Variants in GHR observed in about 807,000 individuals in gnomAD.
GHR encodes the protein growth hormone receptor, also known as GH receptor.
GHR carries 35 observed loss-of-function variants against 67.1 expected under a neutral mutation model. The ratio of observed to expected loss-of-function variants is 0.52; its 90% CI spans 0.40 to 0.69. The LOEUF is 0.69. Ranked by LOEUF, GHR falls within the 30% of genes least tolerant of loss-of-function variation. The pLI, the probability that GHR is intolerant of heterozygous loss-of-function variation, is 0.00. For missense variants in GHR, 792 were observed against 764.6 expected, an observed-to-expected ratio of 1.04 and a Z score of -0.42; for synonymous variants, 272 against 269.1, an observed-to-expected ratio of 1.01 and a Z score of -0.10.
intron 2 of GHR, among the ~76,000 whole-genome samples, chr5:42,612,480 CTG>C (rs1752937258): frequency 6.6e-6 from 1 of 152,008 alleles, no homozygotes; most frequent in South Asian, 2.1e-4. Context: ...TAGAATTTAA[CTG>C]TTGTTTTTTT....
At chr5:42,585,775 A>AAAACTTAGAAAAAAAACTTAG (rs1481543136) in intron 2 of GHR, among the ~76,000 whole-genome samples, 1 of 152,142 alleles carries the variant, frequency 6.6e-6, no homozygotes, top group African/African-American at 2.4e-5. Flanking sequence ...AAACTTAGAA[A>AAAACTTAGAAAAAAAACTTAG]AAAAAAAGGA....
intron 2 of GHR, among the ~76,000 whole-genome samples, chr5:42,609,131 A>G (rs1233459355): frequency 1.3e-5 from 2 of 152,186 alleles, no homozygotes; most frequent in East Asian, 3.9e-4. Context: ...TGAAGAACCC[A>G]GAGCTAAGAA....
chr5:42,539,394 T>C (rs1170584878), intron 1 of GHR, among the ~76,000 whole-genome samples: 8 of 152,218 alleles, frequency 5.3e-5, no homozygotes, highest in African/African-American at 1.7e-4. Flanking sequence ...TATTTTCCTA[T>C]GGATGTGGTT....
intron 2 of GHR, among the ~76,000 whole-genome samples, chr5:42,585,570 A>G (rs1400465435): frequency 6.6e-6 from 1 of 152,254 alleles, no homozygotes; most frequent in Non-Finnish European, 1.5e-5. Flanking sequence ...TAAGAAGTAC[A>G]GCCACACACT....
intron 1 of GHR, among the ~76,000 whole-genome samples, chr5:42,528,429 A>G (rs1012024484): frequency 2.4e-4 from 37 of 152,222 alleles, no homozygotes. Context: ...GGAAATAGCA[A>G]GAAAACTTGA....
intron 2 of GHR, among the ~76,000 whole-genome samples, chr5:42,571,754 G>A (rs1358772646): frequency 6.6e-6 from 1 of 152,166 alleles, no homozygotes; most frequent in Non-Finnish European, 1.5e-5. Context: ...CAGCTCTTAC[G>A]GGAACAGAGC....
chr5:42,443,217 G>A lies in GHR; in HGVS notation c.-12+19262G>A, dbSNP rs1057062530. 1.3e-5 allele frequency among the ~76,000 whole-genome samples: 2 copies of A among 152,258 alleles called. 1 individual carries two copies. Among genetic ancestry groups the A allele is most frequent in the East Asian group, 3.9e-4 (2 of 5,180 alleles). On this transcript the variant is annotated intron_variant, in intron 1 of 9. Coordinates refer to ENST00000230882, the MANE Select transcript of GHR (RefSeq NM_000163.5). Reference sequence around the variant, plus strand: ...GCTCACAGTGTCTTGGAATGGTCTTGAGCCTAGTTGAAATTTGTTGAAATT... The same window carrying A: ...GCTCACAGTGTCTTGGAATGGTCTTAAGCCTAGTTGAAATTTGTTGAAATT...
chr5:42,691,702 C>CA, intron 4 of GHR, among the ~76,000 whole-genome samples: 1 of 152,352 alleles, frequency 6.6e-6, no homozygotes, highest in South Asian at 2.1e-4. Context: ...AGGCTGTCAA[C>CA]AGGACAGTTC....
intron 1 of GHR, among the ~76,000 whole-genome samples, chr5:42,482,901 T>C (rs1428019945): frequency 6.6e-6 from 1 of 152,216 alleles, no homozygotes; most frequent in Admixed American, 6.5e-5. Context: ...GCACCCACTG[T>C]CTGGCACACC....
In GHR at chr5:42,424,811, A is replaced by G. The variant is rs1384022919; in HGVS notation, c.-12+856A>G. 2.0e-5 allele frequency among the ~76,000 whole-genome samples: 3 copies of G among 152,104 alleles called. No homozygotes were observed. Among genetic ancestry groups the G allele is most frequent in the African/African-American group, 7.2e-5 (3 of 41,434 alleles). ...AGTCTATTTGGGGCGAGTGCTTTAT[A>G]TATAGCCCGAGGGGATGCCTGCTGA... On this transcript the variant is annotated intron_variant, in intron 1 of 9. Coordinates refer to ENST00000230882, the MANE Select transcript of GHR (RefSeq NM_000163.5). This position sits in a 1 kb window ranked among gnomAD's most constrained non-coding sequence, Gnocchi z 4.1.
In GHR at chr5:42,472,149, G is replaced by C. The variant is rs566631793; in HGVS notation, c.-12+48194G>C. On this transcript the variant is annotated intron_variant, in intron 1 of 9. Transcript: ENST00000230882. ...TTGACAAACTATGCAGCAGGTCAGT[G>C]GGGGGGTGATTATCATAAAATTCCA... 5.9e-5 allele frequency among the ~76,000 whole-genome samples: 9 copies of C among 152,012 alleles called. No homozygotes were observed. In the South Asian group the frequency reaches 1.2e-3, roughly 21 times the overall value.
intron 1 of GHR, among the ~76,000 whole-genome samples, chr5:42,441,667 G>A (rs186412789): frequency 1.3e-4 from 20 of 152,086 alleles, no homozygotes; most frequent in Middle Eastern, 6.8e-3. Context: ...CCTCCACCAC[G>A]CCCAGCTAAT....
intron 1 of GHR, chr5:42,467,170 A>G: frequency 6.3e-7 from 1 of 1,598,108 alleles, no homozygotes. Context: ...CTGGTGGACA[A>G]AAAGGCAAGA....
intron 8 of GHR, among the ~76,000 whole-genome samples, chr5:42,717,438 A>C (rs903841176): frequency 6.6e-6 from 1 of 152,248 alleles, no homozygotes; most frequent in African/African-American, 2.4e-5. Flanking sequence ...TGCATCCTAG[A>C]ATTGTATATA....
chr5:42,701,503 C>A (rs564265821), intron 6 of GHR, among the ~76,000 whole-genome samples: 1 of 152,090 alleles, frequency 6.6e-6, no homozygotes, highest in African/African-American at 2.4e-5. Flanking sequence ...GCTTTTATTG[C>A]TTGGAGCACC....
chr5:42,490,648 CT>C (rs1746076780), intron 1 of GHR, among the ~76,000 whole-genome samples: 1 of 152,158 alleles, frequency 6.6e-6, no homozygotes, highest in East Asian at 1.9e-4. Flanking sequence ...CAGATTTGTC[CT>C]TTTTTAAAAG....
In GHR at chr5:42,718,692, G is replaced by A. The variant is rs1386316063; in HGVS notation, c.1185G>A (p.Leu395=). ...CCAGCTGTTGTGAACCTGACATTCT[G>A]GAGACTGATTTCAATGCCAATGACA... ...GRTSCCEPDI[L]ETDFNANDIH... is the part of the protein sequence containing the mutation. The change falls in exon 10 of 10, where the codon CTG becomes CTA. Residue 395 remains leucine (L), a synonymous_variant. Coordinates refer to ENST00000230882, the MANE Select transcript of GHR (RefSeq NM_000163.5). 6.2e-7 allele frequency: 1 copy of A among 1,614,158 alleles called. No individual in the cohort carries two copies. The highest frequency in any genetic ancestry group is 2.2e-5 in the East Asian group (1 of 44,880).
rs373334337 is a variant in GHR, at chr5:42,587,578, T to C, written c.70+21634T>C. On this transcript the variant is annotated intron_variant, in intron 2 of 9. Transcript: ENST00000230882. ...CTTCCCTGGGAGTCCTGCACAAATA[T>C]AACTGCCTGATCTTTCTGTTTACTG... 4.6e-5 allele frequency among the ~76,000 whole-genome samples: 7 copies of C among 152,308 alleles called. No individual in the cohort carries two copies. The East Asian group carries it at 1.2e-3, about 25-fold the overall frequency.
At chr5:42,544,119 T>C (rs2112389032) in intron 1 of GHR, among the ~76,000 whole-genome samples, 1 of 152,226 alleles carries the variant, frequency 6.6e-6, no homozygotes, top group South Asian at 2.1e-4. Flanking sequence ...ATCAAGCTGA[T>C]TAAAATGCTC....
Sources: allele counts gnomAD v4.1 joint callset (sites outside exome capture counted in the v4.1 genomes callset), GRCh38; gene constraint gnomAD v4.1.1; non-coding constraint Gnocchi (gnomAD v3.1); transcripts MANE v1.5; gene names NCBI Gene and HGNC (gene_info 2026-07-23, HGNC 2026-07-21).